GALNT13: variants seen among roughly 807,000 people sequenced by gnomAD.
GALNT13 encodes the protein UDP-GalNAc:polypeptide N-acetylgalactosaminyltransferase 13.
GALNT13 carries 28 observed loss-of-function variants against 64.2 expected under a neutral mutation model. The observed-to-expected ratio is 0.44, with a 90% CI of 0.32 to 0.60. The LOEUF (loss-of-function observed/expected upper bound fraction) is 0.60. Among genes scored for constraint, GALNT13 ranks in the 20% least tolerant of loss-of-function variants. The pLI, the probability that GALNT13 is intolerant of heterozygous loss-of-function variation, is 0.05. For missense variants in GALNT13, 577 were observed against 669.8 expected (o/e 0.86, Z 1.53); for synonymous variants, 214 against 224.6 (o/e 0.95, Z 0.42).
the GALNT13 span, among the ~76,000 whole-genome samples, chr2:153,496,993 CAAAAAA>C: frequency 9.9e-5 from 9 of 90,890 alleles, no homozygotes; most frequent in African/African-American, 2.8e-4. Context: ...GATTTTGTCT[CAAAAAA>C]AAAAAAAAAA....
At chr2:153,550,588 G>A in the GALNT13 span, among the ~76,000 whole-genome samples, 1 of 152,038 alleles carries the variant, frequency 6.6e-6, no homozygotes, top group South Asian at 2.1e-4. Context: ...GGCCTTTGTG[G>A]CATTCTGTAG....
the GALNT13 span, among the ~76,000 whole-genome samples, chr2:153,130,020 G>A: frequency 4.6e-5 from 7 of 152,152 alleles, no homozygotes; most frequent in African/African-American, 1.7e-4. Context: ...AGGAAAGCAC[G>A]TACTTGGGCC....
intron 12 of GALNT13, among the ~76,000 whole-genome samples, chr2:154,442,379 C>T (rs1166313042): frequency 6.6e-6 from 1 of 152,044 alleles, no homozygotes. Context: ...TGTAGTTTCT[C>T]ACACCCCTAA....
intron 9 of GALNT13, among the ~76,000 whole-genome samples, chr2:154,368,797 T>G (rs1033009388): frequency 1.3e-5 from 2 of 152,172 alleles, no homozygotes; most frequent in African/African-American, 4.8e-5. Context: ...TACCTTAGTA[T>G]GACATCCTCC....
the GALNT13 span, among the ~76,000 whole-genome samples, chr2:153,838,657 T>G: frequency 1.3e-5 from 2 of 151,990 alleles, no homozygotes; most frequent in Non-Finnish European, 2.9e-5. Context: ...CATGCTGTTT[T>G]GATATAGCTT....
chr2:153,072,892 A>G, the GALNT13 span, among the ~76,000 whole-genome samples: 33 of 152,160 alleles, frequency 2.2e-4, 1 homozygote. Flanking sequence ...AAATTACACA[A>G]CGGTTTGCAC....
the GALNT13 span, among the ~76,000 whole-genome samples, chr2:153,546,845 C>A: frequency 6.6e-6 from 1 of 152,090 alleles, no homozygotes; most frequent in Non-Finnish European, 1.5e-5. Context: ...AATAATTGCC[C>A]CCTTTCCTAC....
chr2:154,337,269 CAG>C (rs1326252587), intron 9 of GALNT13, among the ~76,000 whole-genome samples: 3 of 151,652 alleles, frequency 2.0e-5, no homozygotes, highest in African/African-American at 7.3e-5. Flanking sequence ...TTACTGATTA[CAG>C]AGTAATATAT....
intron 3 of GALNT13, among the ~76,000 whole-genome samples, chr2:154,008,717 G>T (rs1696424137): frequency 6.6e-6 from 1 of 152,088 alleles, no homozygotes; most frequent in Non-Finnish European, 1.5e-5. Flanking sequence ...GTTTGCTTAG[G>T]ATAATGGCCT....
intron 4 of GALNT13, among the ~76,000 whole-genome samples, chr2:154,164,814 A>G (rs2105678926): frequency 6.6e-6 from 1 of 152,270 alleles, no homozygotes; most frequent in Non-Finnish European, 1.5e-5. Flanking sequence ...AGAATTCAGA[A>G]AATCAAAAAA....
the GALNT13 span, among the ~76,000 whole-genome samples, chr2:153,316,108 T>G: frequency 1.3e-3 from 194 of 146,036 alleles, 3 homozygotes; most frequent in East Asian, 0.037. Context: ...ACAAAAGGAC[T>G]GAAAAAAAAG....
chr2:153,361,976 G>A, the GALNT13 span, among the ~76,000 whole-genome samples: 2 of 152,136 alleles, frequency 1.3e-5, no homozygotes, highest in African/African-American at 2.4e-5. Flanking sequence ...AGAGAGAAAG[G>A]CCAGGTAACC....
chr2:153,581,451 T>C, the GALNT13 span, among the ~76,000 whole-genome samples: 1 of 152,120 alleles, frequency 6.6e-6, no homozygotes, highest in African/African-American at 2.4e-5. Flanking sequence ...AGAACACAAA[T>C]ATTTTCAAAA....
the GALNT13 span, among the ~76,000 whole-genome samples, chr2:153,611,706 T>TTC: frequency 4.1e-4 from 55 of 133,452 alleles, 2 homozygotes; most frequent in African/African-American, 1.6e-3. Context: ...TTTTTTTTTT[T>TTC]ACTTTAAGTT....
At chr2:153,540,754 G>A in the GALNT13 span, among the ~76,000 whole-genome samples, 1 of 152,328 alleles carries the variant, frequency 6.6e-6, no homozygotes, top group South Asian at 2.1e-4. Flanking sequence ...GCCCCGCTGG[G>A]TTTCAAACTT....
chr2:153,399,292 T>C, the GALNT13 span, among the ~76,000 whole-genome samples: 6 of 152,218 alleles, frequency 3.9e-5, no homozygotes, highest in South Asian at 1.2e-3. Flanking sequence ...TATCTCTGTT[T>C]TGGTGGCAGT....
intron 9 of GALNT13, among the ~76,000 whole-genome samples, chr2:154,368,077 T>G (rs1253466201): frequency 6.6e-6 from 1 of 152,154 alleles, no homozygotes; most frequent in African/African-American, 2.4e-5. Flanking sequence ...TATGAGTATA[T>G]TTTTAGAATA....
rs1553466524 is a variant in GALNT13, at chr2:154,014,584, T to TTG, written c.142+69946_142+69947insGT. Among the ~76,000 whole-genome samples, 14 of 148,598 alleles carry TTG rather than the reference T, an allele frequency of 9.4e-5. No individual in the cohort carries two copies. In the South Asian group the frequency reaches 1.1e-3, roughly 11 times the overall value. ...ATCTTGGCTCTTTCCTCTGTTTTTT[T>TTG]TTGTTGTTGTTGTTTTGTTTTTCTT... On this transcript the variant is annotated intron_variant, in intron 3 of 12. Coordinates refer to ENST00000392825, the MANE Select transcript of GALNT13 (RefSeq NM_052917.4).
intron 3 of GALNT13, among the ~76,000 whole-genome samples, chr2:153,951,376 T>G (rs184002947): frequency 6.6e-6 from 1 of 152,322 alleles, no homozygotes; most frequent in Admixed American, 6.5e-5. Context: ...AGAGCTATTC[T>G]TTCCAGGAGG....
Sources: allele counts gnomAD v4.1 joint callset (sites outside exome capture counted in the v4.1 genomes callset), GRCh38; gene constraint gnomAD v4.1.1; transcripts MANE v1.5; gene names NCBI Gene and HGNC (gene_info 2026-07-23, HGNC 2026-07-21).